The following ASAP2 variants were observed in gnomAD, a reference collection of about 807,000 sequenced individuals.
ASAP2 encodes ArfGAP with SH3 domain, ankyrin repeat and PH domain 2.
A neutral mutation model predicts 131.4 loss-of-function variants in ASAP2; 45 were observed. The ratio of observed to expected loss-of-function variants is 0.34; its 90% CI spans 0.27 to 0.44. The LOEUF is 0.44. Among genes scored for constraint, ASAP2 ranks in the 20% least tolerant of loss-of-function variants. ASAP2 has a pLI of 1.00. For missense variants in ASAP2, 1,011 were observed against 1,297.0 expected (o/e 0.78, Z 3.39); for synonymous variants, 510 against 503.0 (o/e 1.01, Z -0.19).
rs1383910995 is a variant in ASAP2 at position 9,356,057 on chromosome 2, T to G, written c.1122T>G (p.Thr374=). ...CCTCTTGCTATGCAGATGACAGAAC[T>G]TACCACTTTCAAGCTGAAGATGAAC... ...KCFDLISHDR[T]YHFQAEDEQE... Residue 374 remains threonine (T), a synonymous_variant, in exon 13 of 28, where the codon ACT becomes ACG. Coordinates refer to ENST00000281419, the MANE Select transcript of ASAP2 (RefSeq NM_003887.3). 1.9e-6 allele frequency: 3 copies of G among 1,614,056 alleles called. No individual in the cohort carries two copies. Among genetic ancestry groups the G allele is most frequent in the Non-Finnish European group, 2.5e-6 (3 of 1,180,034 alleles).
rs555347291 is a variant in ASAP2, at chr2:9,404,443, T to A, written c.*1116T>A. 1.3e-5 allele frequency: 2 copies of A among 152,254 alleles called. No homozygotes were observed. The highest frequency in any genetic ancestry group is 4.8e-5 in the African/African-American group (2 of 41,546). The allele number at this position is 152,254 out of a possible 1,614,324, so 9.4% of individuals were successfully genotyped here. A position where few individuals can be genotyped will look rare whatever the true frequency, so the allele number is the denominator to read the frequency against. On this transcript the variant is annotated 3_prime_UTR_variant, in exon 28 of 28. Transcript: ENST00000281419. Reference sequence around the variant, plus strand: ...CATATCATTCTTAAGCTACTTGGGGTGGTAGTAGAGGATTAGGTTGTCTAT... The same window carrying A: ...CATATCATTCTTAAGCTACTTGGGGAGGTAGTAGAGGATTAGGTTGTCTAT...
At chr2:9,294,246 G>T (rs919978398) in intron 2 of ASAP2, among the ~76,000 whole-genome samples, 1 of 152,088 alleles carries the variant, frequency 6.6e-6, no homozygotes, top group African/African-American at 2.4e-5. Flanking sequence ...TGATGCACCT[G>T]TCTCGGCCTC....
Position 9,335,191 on chromosome 2 carries a change from T to G in ASAP2, c.849+12T>G. On this transcript the variant is annotated intron_variant, in intron 9 of 27. Transcript: ENST00000281419. ...TTGAACAGAAAGAGGTGAGGGGATT[T>G]AATTTTGAAAGATTGCAGTTTTCAC... 1 of 1,612,006 alleles carries G rather than the reference T, an allele frequency of 6.2e-7. No individual in the cohort carries two copies. Among genetic ancestry groups the G allele is most frequent in the Non-Finnish European group, 8.5e-7 (1 of 1,178,040 alleles).
chr2:9,239,636 C>A (rs1020230406), intron 1 of ASAP2, among the ~76,000 whole-genome samples: 4 of 152,122 alleles, frequency 2.6e-5, no homozygotes, highest in Non-Finnish European at 5.9e-5. Flanking sequence ...AACCGAGCAC[C>A]ATTTATGTGC....
At chr2:9,352,248 A>ACACACACACACAC (rs1558357880) in intron 12 of ASAP2, among the ~76,000 whole-genome samples, 3 of 133,742 alleles carry the variant, frequency 2.2e-5, no homozygotes, top group African/African-American at 9.0e-5. Flanking sequence ...CACACACACA[A>ACACACACACACAC]ACACACACAC....
At chr2:9,237,929 A>G (rs554747847) in intron 1 of ASAP2, among the ~76,000 whole-genome samples, 6 of 152,232 alleles carry the variant, frequency 3.9e-5, no homozygotes, top group Non-Finnish European at 7.4e-5. Context: ...CCCTGAGGTG[A>G]GGTAAAGATG....
Position 9,400,156 on chromosome 2 carries a change from A to G in ASAP2, c.2734+84A>G. 4.7e-6 allele frequency: 6 copies of G among 1,289,368 alleles called. No homozygotes were observed. The South Asian group carries it at 6.8e-5, about 15-fold the overall frequency. The allele number at this position is 1,289,368 out of a possible 1,614,324, so 79.9% of individuals were successfully genotyped here. A position where few individuals can be genotyped will look rare whatever the true frequency, so the allele number is the denominator to read the frequency against. ...GGATGTTTCCTGCCAGGTGGTCAGG[A>G]CTGAGGGAGGGCCCAGCTGTCTGCC... On this transcript the variant is annotated intron_variant, in intron 25 of 27. Transcript: ENST00000281419.
At chr2:9,257,305 A>G (rs1425522353) in intron 1 of ASAP2, among the ~76,000 whole-genome samples, 1 of 152,166 alleles carries the variant, frequency 6.6e-6, no homozygotes, top group Non-Finnish European at 1.5e-5. Context: ...GGACTGTTTT[A>G]TAGTAGTCTC....
Position 9,225,466 on chromosome 2 carries a change from A to G in ASAP2, c.126+18236A>G, listed in dbSNP as rs574908878. 2.0e-5 allele frequency among the ~76,000 whole-genome samples: 3 copies of G among 152,286 alleles called. No individual in the cohort carries two copies. The South Asian group carries it at 6.2e-4, about 32-fold the overall frequency. On this transcript the variant is annotated intron_variant, in intron 1 of 27. Transcript: ENST00000281419. ...TTCCCCAGGAAATGTATACTAAATG[A>G]AAGCAAGTACTTTCACCTTTTCCTC...
At chr2:9,254,628 C>T (rs188506837) in intron 1 of ASAP2, among the ~76,000 whole-genome samples, 74 of 149,960 alleles carry the variant, frequency 4.9e-4, no homozygotes, top group African/African-American at 1.8e-3. Flanking sequence ...CCCACCTCAG[C>T]CTCCCAAAGT....
chr2:9,357,048 C>G (rs970539058), intron 14 of ASAP2, among the ~76,000 whole-genome samples: 1 of 152,030 alleles, frequency 6.6e-6, no homozygotes, highest in Admixed American at 6.6e-5. Flanking sequence ...GGTTAATCCC[C>G]TTTTCATTCC....
At chr2:9,382,875 T>C (rs969505141) in intron 20 of ASAP2, among the ~76,000 whole-genome samples, 4 of 152,206 alleles carry the variant, frequency 2.6e-5, no homozygotes, top group African/African-American at 9.6e-5. Context: ...ACCCAATTCA[T>C]GAGACAGTGT....
At chr2:9,359,422 T>C (rs1572541713) in intron 15 of ASAP2, among the ~76,000 whole-genome samples, 1 of 152,234 alleles carries the variant, frequency 6.6e-6, no homozygotes, top group Admixed American at 6.5e-5. Flanking sequence ...GTGATAGAGA[T>C]AGGAGGAGAC....
intron 9 of ASAP2, among the ~76,000 whole-genome samples, chr2:9,338,457 A>G (rs192772946): frequency 6.6e-5 from 10 of 152,176 alleles, no homozygotes; most frequent in African/African-American, 1.4e-4. Flanking sequence ...CCACAGCCAT[A>G]ATTTTCTTCT....
chr2:9,306,351 T>C (rs956418470), intron 3 of ASAP2, among the ~76,000 whole-genome samples: 1 of 151,724 alleles, frequency 6.6e-6, no homozygotes, highest in East Asian at 1.9e-4. Context: ...GCAGCAGGGA[T>C]GCAGAAGAGC....
chr2:9,400,108 T>C, intron 25 of ASAP2, 36 bp downstream of exon 25: 2 of 1,589,772 alleles, frequency 1.3e-6, no homozygotes, highest in East Asian at 4.5e-5. Flanking sequence ...TTGTTTCTGC[T>C]TGGTCCATGG....
chr2:9,299,527 G>A (rs923945443), intron 3 of ASAP2, among the ~76,000 whole-genome samples: 1 of 152,166 alleles, frequency 6.6e-6, no homozygotes, highest in Non-Finnish European at 1.5e-5. Context: ...GAAAAGCCAA[G>A]AAAGAAGAAA....
Position 9,353,566 on chromosome 2 carries a change from AG to A in ASAP2, c.1112-2480del, listed in dbSNP as rs1304878967. ...AGCAAGACTGTCTAAAAAAAAAAAA[AG>A]ACATTTGGGCAGTTGGGGAAGTCAA... is the stretch of plus-strand genomic sequence containing the variant. On this transcript the variant is annotated intron_variant, in intron 12 of 27. Transcript: ENST00000281419. Among the ~76,000 whole-genome samples the A allele has an allele frequency of 3.5e-4, 51 of 145,418 alleles. No individual in the cohort carries two copies. The East Asian group carries it at 9.3e-3, about 27-fold the overall frequency.
At chr2:9,243,611 T>G (rs1313753893) in intron 1 of ASAP2, among the ~76,000 whole-genome samples, 1 of 152,192 alleles carries the variant, frequency 6.6e-6, no homozygotes. Context: ...AAGATATAAC[T>G]GTATTTGCAG....
Sources: allele counts gnomAD v4.1 joint callset (sites outside exome capture counted in the v4.1 genomes callset), GRCh38; gene constraint gnomAD v4.1.1; transcripts MANE v1.5; gene names NCBI Gene and HGNC (gene_info 2026-07-23, HGNC 2026-07-21).